Variants in PLEKHG1 observed in about 807,000 individuals in gnomAD.
PLEKHG1 encodes pleckstrin homology domain-containing family G member 1.
Under a neutral mutation model 100.8 loss-of-function variants are expected in PLEKHG1, and 44 were observed. That is an observed-to-expected ratio of 0.44 (90% CI 0.34 to 0.56). The LOEUF is 0.56. Among genes scored for constraint, PLEKHG1 ranks in the 20% least tolerant of loss-of-function variants. The pLI, the probability that PLEKHG1 is intolerant of heterozygous loss-of-function variation, is 0.01. For missense variants in PLEKHG1, 1,545 were observed against 1,720.9 expected (o/e 0.90, Z 1.81); for synonymous variants, 640 against 662.5 (o/e 0.97, Z 0.52).
chr6:150,835,740 C>T (rs1176833379), intron 15 of PLEKHG1, among the ~76,000 whole-genome samples: 1 of 152,166 alleles, frequency 6.6e-6, no homozygotes, highest in Non-Finnish European at 1.5e-5. Context: ...GGAAGCTTGT[C>T]TCTTGTTCAC....
At chr6:150,618,360 G>A (rs1171438772) in intron 1 of PLEKHG1, among the ~76,000 whole-genome samples, 1 of 152,178 alleles carries the variant, frequency 6.6e-6, no homozygotes, top group Non-Finnish European at 1.5e-5. Context: ...ATACAACATG[G>A]TGGCTACAGA....
chr6:150,647,507 C>T (rs1010211334), intron 2 of PLEKHG1, among the ~76,000 whole-genome samples: 1 of 152,070 alleles, frequency 6.6e-6, no homozygotes, highest in Non-Finnish European at 1.5e-5. Flanking sequence ...TGTGTTTTGC[C>T]TATGTAACTT....
At chr6:150,688,142 C>T (rs926525208) in intron 3 of PLEKHG1, among the ~76,000 whole-genome samples, 5 of 144,606 alleles carry the variant, frequency 3.5e-5, no homozygotes, top group Admixed American at 6.9e-5. Context: ...GTAAGAAGTG[C>T]GAATCACAGT....
chr6:150,635,793 C>G (rs1447931812), intron 1 of PLEKHG1, among the ~76,000 whole-genome samples: 1 of 152,006 alleles, frequency 6.6e-6, no homozygotes, highest in Non-Finnish European at 1.5e-5. Context: ...CACTGTGTAT[C>G]TTAAAAAAAC....
intron 2 of PLEKHG1, among the ~76,000 whole-genome samples, chr6:150,739,649 C>CA (rs1203886925): frequency 6.7e-6 from 1 of 150,262 alleles, no homozygotes; most frequent in African/African-American, 2.5e-5. Context: ...GCTGGAGCAA[C>CA]AGAGTGAGAC....
At chr6:150,623,752 G>A (rs931668400) in intron 1 of PLEKHG1, among the ~76,000 whole-genome samples, 19 of 152,300 alleles carry the variant, frequency 1.2e-4, no homozygotes, top group South Asian at 4.1e-4. Context: ...AGACCCACAC[G>A]TTTGTCATGT....
At chr6:150,719,967 A>G (rs1470083843), upstream of PLEKHG1, among the ~76,000 whole-genome samples, 1 of 152,200 alleles carries the variant, frequency 6.6e-6, no homozygotes, top group Non-Finnish European at 1.5e-5. Context: ...AAATTATCCT[A>G]TTATGTTGTT....
At chr6:150,624,206 C>G (rs1777419059) in intron 1 of PLEKHG1, among the ~76,000 whole-genome samples, 1 of 152,174 alleles carries the variant, frequency 6.6e-6, no homozygotes, top group African/African-American at 2.4e-5. Flanking sequence ...CCAATACTGA[C>G]CTATTCAAAG....
chr6:150,773,052 G>C (rs1784785016), intron 3 of PLEKHG1, among the ~76,000 whole-genome samples: 2 of 151,986 alleles, frequency 1.3e-5, no homozygotes, highest in Admixed American at 1.3e-4. Flanking sequence ...ATAGTGCGTA[G>C]GTTTTGTGTT....
chr6:150,646,064 A>G (rs1221244399), intron 2 of PLEKHG1, among the ~76,000 whole-genome samples: 1 of 152,242 alleles, frequency 6.6e-6, no homozygotes, highest in Non-Finnish European at 1.5e-5. Context: ...TGAACTACAT[A>G]ATTAGCAAAA....
intron 3 of PLEKHG1, among the ~76,000 whole-genome samples, chr6:150,673,621 T>C (rs557901165): frequency 1.3e-5 from 2 of 151,890 alleles, no homozygotes; most frequent in Non-Finnish European, 2.9e-5. Flanking sequence ...TGTCTTTCTT[T>C]CCTTCCTTCC....
intron 4 of PLEKHG1, among the ~76,000 whole-genome samples, chr6:150,790,566 C>T (rs920698890): frequency 3.9e-5 from 6 of 152,074 alleles, no homozygotes; most frequent in African/African-American, 1.4e-4. Flanking sequence ...AGATCTATTC[C>T]AAGGATACAC....
intron 3 of PLEKHG1, among the ~76,000 whole-genome samples, chr6:150,708,309 A>G (rs902570325): frequency 5.3e-5 from 8 of 151,992 alleles, no homozygotes; most frequent in South Asian, 2.1e-4. Context: ...TGCTTATTCT[A>G]CTTGTCCTAC....
intron 2 of PLEKHG1, among the ~76,000 whole-genome samples, chr6:150,762,201 C>CTT (rs112324631): frequency 0.027 from 3,843 of 144,374 alleles, 173 homozygotes; most frequent in African/African-American, 0.092. Context: ...CTCTCTTTTT[C>CTT]TTTTTTTTTT....
At chr6:150,805,531 CTT>C (rs1307779506) in intron 7 of PLEKHG1, among the ~76,000 whole-genome samples, 8 of 143,534 alleles carry the variant, frequency 5.6e-5, no homozygotes, top group Admixed American at 7.0e-5. Flanking sequence ...TTTCGGTTTC[CTT>C]TTTTTTTTTT....
chr6:150,777,300 A>G (rs1274703582), intron 3 of PLEKHG1, among the ~76,000 whole-genome samples: 2 of 145,426 alleles, frequency 1.4e-5, no homozygotes, highest in Non-Finnish European at 3.0e-5. Flanking sequence ...CACTGATGCA[A>G]TCCTGGTGCA....
chr6:150,686,556 A>G (rs974271770), intron 3 of PLEKHG1, among the ~76,000 whole-genome samples: 1 of 152,198 alleles, frequency 6.6e-6, no homozygotes, highest in South Asian at 2.1e-4. Flanking sequence ...ATGATCACTC[A>G]TATAAAGGAG....
At chr6:150,796,852 T>C (rs1390710198) in intron 5 of PLEKHG1, among the ~76,000 whole-genome samples, 1 of 152,212 alleles carries the variant, frequency 6.6e-6, no homozygotes, top group Non-Finnish European at 1.5e-5. Flanking sequence ...AGGTTTCTTC[T>C]CTGACTTTTA....
intron 2 of PLEKHG1, among the ~76,000 whole-genome samples, chr6:150,737,119 G>T (rs1782600054): frequency 6.6e-6 from 1 of 152,150 alleles, no homozygotes; most frequent in Non-Finnish European, 1.5e-5. Context: ...GTTGGTTGAA[G>T]CCTCTTCATC....
Sources: allele counts gnomAD v4.1 joint callset (sites outside exome capture counted in the v4.1 genomes callset), GRCh38; gene constraint gnomAD v4.1.1; transcripts MANE v1.5; gene names NCBI Gene and HGNC (gene_info 2026-07-23, HGNC 2026-07-21).